Variants in OCRL observed in about 807,000 individuals in gnomAD.
The protein encoded by OCRL is OCRL inositol polyphosphate-5-phosphatase, also known as inositol polyphosphate 5-phosphatase OCRL.
In OCRL, 8 loss-of-function variants were observed where a neutral mutation model predicts 78.9. The observed-to-expected ratio is 0.10, with a 90% CI of 0.06 to 0.18. OCRL has a LOEUF of 0.18. Among genes scored for constraint, OCRL ranks in the 10% least tolerant of loss-of-function variants. The pLI is 1.00. For missense variants in OCRL, 454 were observed against 696.7 expected (o/e 0.65, Z 3.92); for synonymous variants, 240 against 235.4 (o/e 1.02, Z -0.18).
chrX:129,583,062 C>T (rs1383702995), intron 18 of OCRL, among the ~76,000 whole-genome samples: 2 of 111,978 alleles, frequency 1.8e-5, no homozygotes, highest in African/African-American at 6.5e-5. Flanking sequence ...CTTCTGCTGG[C>T]ATACTGCCCC....
chrX:129,540,618 C>A, intron 1 of OCRL, 126 bp from the exon 2 acceptor site: 2 of 574,768 alleles, frequency 3.5e-6, no homozygotes, highest in Non-Finnish European at 5.1e-6. Context: ...GCGCGGGAGA[C>A]GAAGCAGGGC....
intron 4 of OCRL, among the ~76,000 whole-genome samples, chrX:129,555,262 G>C (rs1313785422): frequency 9.1e-6 from 1 of 110,200 alleles, no homozygotes; most frequent in Non-Finnish European, 1.9e-5. Flanking sequence ...AGATCACGAG[G>C]TCAGGAGTTC....
intron 12 of OCRL, among the ~76,000 whole-genome samples, chrX:129,564,778 G>A (rs1343405646): frequency 3.6e-5 from 4 of 110,288 alleles, no homozygotes; most frequent in East Asian, 2.8e-4. Flanking sequence ...GCTAAATGAC[G>A]AGTTAATGGG....
At chrX:129,569,850 T>A (rs111433762) in intron 15 of OCRL, among the ~76,000 whole-genome samples, 6,869 of 99,338 alleles carry the variant, frequency 0.069, 404 homozygotes, top group African/African-American at 0.2. Context: ...CTTTTTTTTT[T>A]TTTTTTTTTT....
At chrX:129,585,425 T>C (rs758225277) in intron 19 of OCRL, among the ~76,000 whole-genome samples, 5 of 112,303 alleles carry the variant, frequency 4.5e-5, no homozygotes, top group Non-Finnish European at 5.6e-5. Flanking sequence ...TGTCAGACTT[T>C]TTAAAAAGTA....
At chrX:129,586,900 A>G (rs745483806) in intron 19 of OCRL, 102 bp from the exon 20 acceptor site, 20 of 595,646 alleles carry the variant, frequency 3.4e-5, no homozygotes, top group Non-Finnish European at 6.0e-5. Context: ...AGAGATGAAG[A>G]TCACATTTTA....
chrX:129,553,202 C>G (rs1248458901), intron 4 of OCRL: 2 of 112,349 alleles, frequency 1.8e-5, no homozygotes, highest in Non-Finnish European at 3.8e-5. Context: ...GGGATTATAT[C>G]AAGCCCTGAT....
rs768952153 is a variant in OCRL at position 129,565,572 on chromosome X, CCTA to C, written c.1245-198_1245-196del. ...TTCTTCATGTACAGAGTCCTCTTCT[CCTA>C]CCTATTTTGTAATCCATTGTCTCTC... On this transcript the variant is annotated intron_variant, in intron 12 of 23. Transcript: ENST00000371113. 4.5e-5 allele frequency among the ~76,000 whole-genome samples: 5 copies of C among 112,260 alleles called. No individual in the cohort carries two copies. In the East Asian group the frequency reaches 1.1e-3, roughly 25 times the overall value.
At chrX:129,562,281 G>T (rs941562798) in intron 10 of OCRL, 103 bp from the exon 11 acceptor site, 9 of 626,231 alleles carry the variant, frequency 1.4e-5, no homozygotes, top group Non-Finnish European at 2.5e-5. Context: ...GTCAGATTTG[G>T]GCACTAGTAT....
intron 18 of OCRL, among the ~76,000 whole-genome samples, chrX:129,578,743 G>A (rs1936404201): frequency 9.0e-6 from 1 of 111,139 alleles, no homozygotes; most frequent in East Asian, 2.8e-4. Flanking sequence ...AGGAATGAAT[G>A]GCTCTTTGGG....
At chrX:129,579,431 T>A (rs1045571231) in intron 18 of OCRL, among the ~76,000 whole-genome samples, 1 of 111,886 alleles carries the variant, frequency 8.9e-6, no homozygotes, top group Admixed American at 9.5e-5. Context: ...TCTAAAATTT[T>A]GGTAAAGCCA....
chrX:129,589,294 G>A (rs894158938), intron 22 of OCRL: 5 of 337,281 alleles, frequency 1.5e-5, no homozygotes, highest in Admixed American at 9.4e-5. Context: ...CTGATTGTAC[G>A]TGGAATTCTG....
intron 12 of OCRL, among the ~76,000 whole-genome samples, chrX:129,564,686 A>G (rs1431786994): frequency 3.7e-5 from 4 of 108,677 alleles, no homozygotes; most frequent in Non-Finnish European, 5.7e-5. Flanking sequence ...ACACATGGAC[A>G]CAGGAAGGGG....
At chrX:129,569,756 G>A (rs1472510707) in intron 15 of OCRL, among the ~76,000 whole-genome samples, 3 of 110,619 alleles carry the variant, frequency 2.7e-5, no homozygotes, top group Non-Finnish European at 5.7e-5. Context: ...GAGACAGCAG[G>A]AGCAAAGGCA....
chrX:129,546,655 G>A (rs949457849), intron 3 of OCRL, among the ~76,000 whole-genome samples: 2 of 112,092 alleles, frequency 1.8e-5, no homozygotes, highest in African/African-American at 3.2e-5. Flanking sequence ...TTTTCAAGGT[G>A]TAGGCCTTCA....
At chrX:129,564,406 A>G (rs1338471373) in intron 12 of OCRL, among the ~76,000 whole-genome samples, 2 of 111,110 alleles carry the variant, frequency 1.8e-5, no homozygotes, top group Non-Finnish European at 3.8e-5. Context: ...ATGCTGCTAT[A>G]AAGACATATG....
In OCRL at chrX:129,558,879, C is replaced by G. The variant is rs1345746808; in HGVS notation, c.600C>G (p.Pro200=). 8.3e-7 allele frequency: 1 copy of G among 1,210,282 alleles called. No individual in the cohort carries two copies. Among genetic ancestry groups the G allele is most frequent in the African/African-American group, 1.7e-5 (1 of 57,274 alleles). ...AAGAAGCTTCTAACAAGGAGCAGCC[C>G]AAAGTGACCAACACCATGCGGAAGC... ...REKEASNKEQ[P]KVTNTMRKLF... is the part of the protein sequence containing the mutation. Residue 200 remains proline (P), a synonymous_variant, in exon 8 of 24, where the codon CCC becomes CCG. Coordinates refer to ENST00000371113, the MANE Select transcript of OCRL (RefSeq NM_000276.4).
At chrX:129,542,772 A>G (rs1220328579) in intron 2 of OCRL, among the ~76,000 whole-genome samples, 1 of 111,484 alleles carries the variant, frequency 9.0e-6, no homozygotes, top group African/African-American at 3.3e-5. Flanking sequence ...GAGACACCTA[A>G]TACCATAATA....
rs7065704 is a variant in OCRL at position 129,592,075 on chromosome X, T to C, written c.*1805T>C. 4.1e-3 allele frequency: 471 copies of C among 114,270 alleles called. 1 individual carries two copies. Among genetic ancestry groups the C allele is most frequent in the African/African-American group, 0.014 (422 of 30,908 alleles). The allele number at this position is 114,270 out of a possible 1,213,427, so 9.4% of individuals were successfully genotyped here. On this transcript the variant is annotated 3_prime_UTR_variant, in exon 24 of 24. Transcript: ENST00000371113. ...TCTGTGCTGCACGTATGCAGTATCC[T>C]ATCTCTTTCTACATCAGATCAAAAC...
Sources: allele counts gnomAD v4.1 joint callset (sites outside exome capture counted in the v4.1 genomes callset), GRCh38; gene constraint gnomAD v4.1.1; transcripts MANE v1.5; gene names NCBI Gene and HGNC (gene_info 2026-07-23, HGNC 2026-07-21).